The following FOXJ2 variants were observed in gnomAD, a reference collection of about 807,000 sequenced individuals.
The protein encoded by FOXJ2 is forkhead box protein J2.
Under a neutral mutation model 68.4 loss-of-function variants are expected in FOXJ2, and 18 were observed. The observed-to-expected ratio is 0.26, with a 90% confidence interval of 0.18 to 0.39. The LOEUF (loss-of-function observed/expected upper bound fraction) is 0.39, where lower values mean the gene tolerates loss of function less well. Ranked by LOEUF, FOXJ2 falls within the 10% of genes least tolerant of loss-of-function variation. The probability of loss-of-function intolerance (pLI) is 1.00; values close to 1 mark genes in which losing one functional copy is unlikely to be tolerated. For synonymous variants in FOXJ2, 274 were observed against 263.2 expected (o/e 1.04, Z -0.40); for missense variants, 670 against 726.5 (o/e 0.92, Z 0.89).
rs771032207 is a variant in FOXJ2, at chr12:8,038,299, C to G, written c.-14-1520C>G. On this transcript the variant is annotated intron_variant, in intron 1 of 10. Transcript: ENST00000162391. This position sits in a 1 kb window ranked among gnomAD's most constrained non-coding sequence, Gnocchi z 5.3. ...TCACTACCTAGGATAGAAGAGGGAG[C>G]TGAGACCCTGAAGGATGTGTTGGAG... 2.6e-5 allele frequency among the ~76,000 whole-genome samples: 4 copies of G among 152,270 alleles called. No homozygotes were observed. Among genetic ancestry groups the G allele is most frequent in the African/African-American group, 9.6e-5 (4 of 41,536 alleles).
Position 8,052,974 on chromosome 12 carries a change from T to G in FOXJ2, c.*124T>G. On this transcript the variant is annotated 3_prime_UTR_variant, in exon 11 of 11. Coordinates refer to ENST00000162391, the MANE Select transcript of FOXJ2 (RefSeq NM_018416.3). ...AGACATATATCCTCTTTTTGTTCTT[T>G]CTCTGTCAGAGAAGCCACTGCAAGA... The G allele has an allele frequency of 1.7e-6, 1 of 580,486 alleles. No individual in the cohort carries two copies. The highest frequency in any genetic ancestry group is 3.1e-5 in the East Asian group (1 of 32,778). 36.0% of individuals were successfully genotyped at this position (580,486 alleles called of 1,614,324 possible). A position where few individuals can be genotyped will look rare whatever the true frequency, so the allele number is the denominator to read the frequency against.
Position 8,040,194 on chromosome 12 carries a change from G to A in FOXJ2, c.333+29G>A, listed in dbSNP as rs1946946136. 1 of 1,605,074 alleles carries A rather than the reference G, an allele frequency of 6.2e-7. No individual in the cohort carries two copies. The highest frequency in any genetic ancestry group is 8.5e-7 in the Non-Finnish European group (1 of 1,173,700). ...GGAATGCTTCTATAATCTTGGCTTA[G>A]GTTTAGGCTTCAACAGCCTTTTTAG... On this transcript the variant is annotated intron_variant, in intron 2 of 10. Transcript: ENST00000162391. This position sits in a 1 kb window ranked among gnomAD's most constrained non-coding sequence, Gnocchi z 4.0.
chr12:8,037,834 A>G (rs916190737), intron 1 of FOXJ2, among the ~76,000 whole-genome samples: 2 of 152,218 alleles, frequency 1.3e-5, no homozygotes, highest in Admixed American at 6.5e-5. Flanking sequence ...GTGATCTGCT[A>G]TAGCCCAGGG....
intron 6 of FOXJ2, 144 bp from the exon 7 acceptor site, chr12:8,047,738 C>A: frequency 8.9e-7 from 1 of 1,117,512 alleles, no homozygotes; most frequent in Non-Finnish European, 1.3e-6. Context: ...AGGAGGGCCA[C>A]AGGGATCTTT....
intron 1 of FOXJ2, among the ~76,000 whole-genome samples, chr12:8,036,329 G>A (rs1946894730): frequency 6.6e-6 from 1 of 152,176 alleles, no homozygotes; most frequent in Non-Finnish European, 1.5e-5. Context: ...CTGTTATTGT[G>A]GATCTTACAT....
At position 8,052,841 on chromosome 12, in the gene FOXJ2, G is replaced by T; in HGVS notation, c.1716G>T (p.Leu572Phe). Residue 572 changes from leucine (L) to phenylalanine (F), a missense_variant, in exon 11 of 11, where the codon TTG (leucine) becomes TTT (phenylalanine). This residue lies in a region of FOXJ2 where 555 missense variants were observed against 562.2 expected (regional missense o/e 0.99). Transcript: ENST00000162391. ...EEIPDDFDWD[L>F]IT ...TCCCTGATGACTTCGACTGGGACTTGATCACTTAGTGCATCACAGAGTGTG... is the reference window on the plus strand; with the variant it reads ...TCCCTGATGACTTCGACTGGGACTTTATCACTTAGTGCATCACAGAGTGTG... 6.2e-7 allele frequency: 1 copy of T among 1,604,644 alleles called. No individual in the cohort carries two copies. Among genetic ancestry groups the T allele is most frequent in the South Asian group, 1.1e-5 (1 of 89,634 alleles).
rs2121311576 is a variant in FOXJ2, at chr12:8,033,392, GGAAGACCTCC to G, written c.-455_-446del. The G allele has an allele frequency of 6.5e-6, 1 of 152,970 alleles. No individual in the cohort carries two copies. The highest frequency in any genetic ancestry group is 2.4e-5 in the African/African-American group (1 of 41,580). The allele number at this position is 152,970 out of a possible 1,614,324, so 9.5% of individuals were successfully genotyped here. ...ATCGGCTTTCAGCCTTCTGGAGAGGGGAAGACCTCCCCCTCAACTTCCTCGTGCCTAGACA... is the reference window on the plus strand; with the variant it reads ...ATCGGCTTTCAGCCTTCTGGAGAGGGCCCTCAACTTCCTCGTGCCTAGACA... On this transcript the variant is annotated 5_prime_UTR_variant, in exon 1 of 11. Transcript: ENST00000162391.
intron 6 of FOXJ2, among the ~76,000 whole-genome samples, chr12:8,047,325 T>C (rs1480874066): frequency 6.6e-6 from 1 of 152,066 alleles, no homozygotes; most frequent in Non-Finnish European, 1.5e-5. Flanking sequence ...GGTACACACC[T>C]GTAGTCTCAG....
chr12:8,049,698 G>A (rs1947089574), intron 9 of FOXJ2, 127 bp downstream of exon 9: 1 of 781,948 alleles, frequency 1.3e-6, no homozygotes, highest in Admixed American at 3.2e-5. Flanking sequence ...AGTGGAACTA[G>A]TTTATCAGTT....
rs747788930 is a variant in FOXJ2, at chr12:8,044,837, C to T, written c.696C>T (p.Leu232=). 2.5e-6 allele frequency: 4 copies of T among 1,613,872 alleles called. No homozygotes were observed. In the African/African-American group the frequency reaches 4.0e-5, roughly 16 times the overall value. ...GRESAEGPPP[L]YNTNHDFKFS... ...AAAGTGCTGAGGGTCCCCCTCCCCT[C>T]TATAACACCAACCATGACTTTAAAT... The change falls in exon 6 of 11, where the codon CTC becomes CTT. Residue 232 remains leucine, a synonymous_variant. Transcript: ENST00000162391.
rs1306326418 is a variant in FOXJ2, at chr12:8,035,591, C to T, written c.-15+1758C>T. Among the ~76,000 whole-genome samples, 1 of 152,194 alleles carries T rather than the reference C, an allele frequency of 6.6e-6. No homozygotes were observed. Among genetic ancestry groups the T allele is most frequent in the Non-Finnish European group, 1.5e-5 (1 of 68,042 alleles). ...AGCCTGTTTCTTATAAAGTACTTCA[C>T]CAGATGCTGGCGTGCACCTGCCTGA... is the stretch of plus-strand genomic sequence containing the variant. On this transcript the variant is annotated intron_variant, in intron 1 of 10. Coordinates refer to ENST00000162391, the MANE Select transcript of FOXJ2 (RefSeq NM_018416.3). This position sits in a 1 kb window ranked among gnomAD's most constrained non-coding sequence, Gnocchi z 4.0.
intron 10 of FOXJ2, among the ~76,000 whole-genome samples, chr12:8,051,150 A>G (rs1947121232): frequency 1.1e-5 from 1 of 91,362 alleles, no homozygotes; most frequent in Non-Finnish European, 2.2e-5. Flanking sequence ...TTTTCTTTTC[A>G]ACAGAGTCTC....
At chr12:8,050,445 AT>A in intron 9 of FOXJ2, 76 bp from the exon 10 acceptor site, 5 of 1,553,424 alleles carry the variant, frequency 3.2e-6, no homozygotes, top group Admixed American at 2.1e-5. Flanking sequence ...GCAAGGGTAT[AT>A]TTTTTTCTTC....
chr12:8,037,273 G>A (rs1417464465), intron 1 of FOXJ2, among the ~76,000 whole-genome samples: 2 of 152,104 alleles, frequency 1.3e-5, no homozygotes, highest in Non-Finnish European at 2.9e-5. Flanking sequence ...TGGGTCAAAG[G>A]AGAACGGTGC....
intron 9 of FOXJ2, chr12:8,050,030 G>C (rs772913130): frequency 2.4e-4 from 44 of 187,132 alleles, no homozygotes; most frequent in African/African-American, 1.0e-3. Context: ...GAGTGCAGTG[G>C]TGTGATCACG....
At chr12:8,046,149 T>A (rs1434522760) in intron 6 of FOXJ2, among the ~76,000 whole-genome samples, 4 of 152,090 alleles carry the variant, frequency 2.6e-5, no homozygotes, top group Non-Finnish European at 5.9e-5. Flanking sequence ...GGGCAGTGAT[T>A]TTAGGGCTGC....
Position 8,042,577 on chromosome 12 carries a change from T to C in FOXJ2, c.334-81T>C, listed in dbSNP as rs3759281. The stretch of plus-strand genomic sequence containing the variant: ...CAACTGCATGGTGTATTATGTTTTT[T>C]TGTGTGTCCCTCTGTGTTCTATTGG... On this transcript the variant is annotated intron_variant, in intron 2 of 10. Coordinates refer to ENST00000162391, the MANE Select transcript of FOXJ2 (RefSeq NM_018416.3). 11,229 of 1,190,186 alleles carry C rather than the reference T, an allele frequency of 9.4e-3. 350 individuals carry two copies. The highest frequency in any genetic ancestry group is 0.082 in the East Asian group (3,436 of 41,984). The allele number at this position is 1,190,186 out of a possible 1,614,324, so 73.7% of individuals were successfully genotyped here. A position where few individuals can be genotyped will look rare whatever the true frequency, so the allele number is the denominator to read the frequency against.
At chr12:8,048,877 G>A (rs756499617) in intron 8 of FOXJ2, 79 bp downstream of exon 8, 258 of 1,165,920 alleles carry the variant, frequency 2.2e-4, no homozygotes, top group Admixed American at 8.3e-4. Context: ...GGAAGGGGGT[G>A]GTTAAATGAA....
rs1275596656 is a variant in FOXJ2 at position 8,038,863 on chromosome 12, G to T, written c.-14-956G>T. On this transcript the variant is annotated intron_variant, in intron 1 of 10. Coordinates refer to ENST00000162391, the MANE Select transcript of FOXJ2 (RefSeq NM_018416.3). The surrounding 1 kb of genome is among the most constrained non-coding windows in gnomAD (Gnocchi z 5.3). ...GCCTGCCTGGCTGGGAAGGAAGGAGGGAGGAGGAGGGCGGAGAAGGGGAGC... is the reference window on the plus strand; with the variant it reads ...GCCTGCCTGGCTGGGAAGGAAGGAGTGAGGAGGAGGGCGGAGAAGGGGAGC... Among the ~76,000 whole-genome samples the T allele has an allele frequency of 6.6e-6, 1 of 152,216 alleles. No individual in the cohort carries two copies. Among genetic ancestry groups the T allele is most frequent in the Non-Finnish European group, 1.5e-5 (1 of 68,034 alleles).
Sources: gnomAD v4.1 joint callset for allele counts (sites outside exome capture counted in the v4.1 genomes callset) on GRCh38, gnomAD v4.1.1 for gene constraint, gnomAD v4.1.1 regional missense constraint, Gnocchi (gnomAD v3.1) non-coding constraint, MANE v1.5 for transcripts, NCBI Gene and HGNC (gene_info 2026-07-23, HGNC 2026-07-21) for gene names.